ACER3: variants seen among roughly 807,000 people sequenced by gnomAD.
ACER3 encodes alkaline ceramidase 3, also known as alkCDase 3.
ACER3 carries 16 observed loss-of-function variants against 48.9 expected under a neutral mutation model. The observed-to-expected ratio is 0.33, with a 90% CI of 0.22 to 0.50. ACER3 has a LOEUF of 0.50. ACER3 is among the 20% of genes least tolerant of loss of function. The pLI, the probability that ACER3 is intolerant of heterozygous loss-of-function variation, is 0.98. For missense variants in ACER3, 227 were observed against 326.0 expected, an observed-to-expected ratio of 0.70 and a Z score of 2.34; for synonymous variants, 109 against 107.8, an observed-to-expected ratio of 1.01 and a Z score of -0.07.
chr11:76,988,332 T>C (rs1948727676), intron 5 of ACER3, among the ~76,000 whole-genome samples: 1 of 152,214 alleles, frequency 6.6e-6, no homozygotes, highest in Non-Finnish European at 1.5e-5. Flanking sequence ...TATTAGTCCC[T>C]TCTCATGCTG....
intron 7 of ACER3, among the ~76,000 whole-genome samples, chr11:77,000,433 T>C (rs2135265902): frequency 6.6e-6 from 1 of 152,332 alleles, no homozygotes; most frequent in Non-Finnish European, 1.5e-5. Context: ...TGAGGTCAAA[T>C]TTATCAGTTT....
intron 9 of ACER3, among the ~76,000 whole-genome samples, chr11:77,018,352 G>C (rs1302843933): frequency 2.0e-5 from 3 of 152,092 alleles, no homozygotes; most frequent in African/African-American, 7.2e-5. Flanking sequence ...CCACCAATTG[G>C]CCATTCCCCA....
chr11:76,977,269 A>G (rs1006402756), intron 4 of ACER3, among the ~76,000 whole-genome samples: 2 of 152,226 alleles, frequency 1.3e-5, no homozygotes, highest in African/African-American at 2.4e-5. Flanking sequence ...GAAAATTACA[A>G]TGATCACAAT....
intron 5 of ACER3, 55 bp from the exon 6 acceptor site, chr11:76,990,484 T>C (rs1948776410): frequency 5.5e-6 from 7 of 1,283,032 alleles, no homozygotes; most frequent in Non-Finnish European, 6.8e-6. Flanking sequence ...GGAGTCGGTT[T>C]TTCCCCCCTT....
intron 2 of ACER3, among the ~76,000 whole-genome samples, chr11:76,953,503 C>G (rs11237030): frequency 0.4 from 60,629 of 151,816 alleles, 14,827 homozygotes; most frequent in Non-Finnish European, 0.56. Context: ...GAGGCTGATG[C>G]AGGAGAATCA....
chr11:76,979,323 C>T lies in ACER3; in HGVS notation c.320+2982C>T, dbSNP rs550500436. On this transcript the variant is annotated intron_variant, in intron 4 of 10. Coordinates refer to ENST00000532485, the MANE Select transcript of ACER3 (RefSeq NM_018367.7). ...TTTAGTTAGCTATAACCAACTATAT[C>T]ACTGTTGGCTCTGACCTTTACTAAA... 2.6e-5 allele frequency among the ~76,000 whole-genome samples: 4 copies of T among 152,236 alleles called. No individual in the cohort carries two copies. In the South Asian group the frequency reaches 8.3e-4, roughly 32 times the overall value.
chr11:76,962,978 C>T (rs1948035743), intron 3 of ACER3, among the ~76,000 whole-genome samples: 1 of 151,406 alleles, frequency 6.6e-6, no homozygotes, highest in African/African-American at 2.5e-5. Flanking sequence ...CCTGAAAAAT[C>T]ACAGCTACAG....
chr11:76,976,169 G>A, intron 3 of ACER3, 120 bp from the exon 4 acceptor site: 1 of 753,322 alleles, frequency 1.3e-6, no homozygotes, highest in East Asian at 2.8e-5. Flanking sequence ...TTACAGGTGT[G>A]AGCCTCTGTG....
At position 77,020,492 on chromosome 11, in the gene ACER3, C is replaced by T; in HGVS notation, c.*165C>T. 1.5e-6 allele frequency: 1 copy of T among 683,916 alleles called. No homozygotes were observed. Among genetic ancestry groups the T allele is most frequent in the South Asian group, 1.9e-5 (1 of 52,622 alleles). The allele number at this position is 683,916 out of a possible 1,614,324, so 42.4% of individuals were successfully genotyped here. A position where few individuals can be genotyped will look rare whatever the true frequency, so the allele number is the denominator to read the frequency against. On this transcript the variant is annotated 3_prime_UTR_variant, in exon 11 of 11. Transcript: ENST00000532485. The stretch of plus-strand genomic sequence containing the variant: ...CCACACAGAGAATAAGGAGTAGGGC[C>T]TGCTGGGTGTTTAGCTCATGGCTTT...
chr11:76,898,938 G>T (rs1006954094), intron 1 of ACER3, among the ~76,000 whole-genome samples: 5 of 137,142 alleles, frequency 3.6e-5, no homozygotes, highest in Admixed American at 7.3e-5. Flanking sequence ...AAAAATCCTC[G>T]TTGGTGATCT....
chr11:77,015,616 G>C (rs1189273986), intron 8 of ACER3, among the ~76,000 whole-genome samples: 1 of 152,086 alleles, frequency 6.6e-6, no homozygotes, highest in Non-Finnish European at 1.5e-5. Context: ...CTGTCTTTCT[G>C]GCCCTCTTTT....
At chr11:76,979,709 A>T (rs1948537622) in intron 4 of ACER3, among the ~76,000 whole-genome samples, 1 of 152,134 alleles carries the variant, frequency 6.6e-6, no homozygotes, top group Non-Finnish European at 1.5e-5. Flanking sequence ...AAAGGGCCAG[A>T]TGATAAATAT....
intron 4 of ACER3, among the ~76,000 whole-genome samples, chr11:76,981,189 A>G (rs1193356149): frequency 6.6e-6 from 1 of 152,242 alleles, no homozygotes; most frequent in Admixed American, 6.5e-5. Context: ...AAAAGAATAT[A>G]TAAAAAGAGC....
chr11:76,953,205 G>T (rs1435439836), intron 2 of ACER3, among the ~76,000 whole-genome samples: 1 of 152,162 alleles, frequency 6.6e-6, no homozygotes, highest in South Asian at 2.1e-4. Flanking sequence ...TGTATGCCTT[G>T]CAAGGAGTTT....
intron 6 of ACER3, among the ~76,000 whole-genome samples, chr11:76,996,398 CATTATTATTATTATTATT>C (rs113842907): frequency 1.4e-5 from 2 of 146,580 alleles, no homozygotes; most frequent in Non-Finnish European, 3.0e-5. Flanking sequence ...ATTGGCTTTC[CATTATTATTATTATTATT>C]ATTATTATTA....
Position 76,861,003 on chromosome 11 carries a change from C to T in ACER3, c.27C>T (p.Gly9=), listed in dbSNP as rs749764911. The part of the protein sequence containing the change: MAPAADRE[G]YWGPTTSTLD... ...TGGCTCCGGCCGCGGACCGAGAGGG[C>T]TACTGGGGCCCCACGACCTCCACGC... The change falls in exon 1 of 11, where the codon GGC becomes GGT. Residue 9 remains glycine, a synonymous_variant. Coordinates refer to ENST00000532485, the MANE Select transcript of ACER3 (RefSeq NM_018367.7). The T allele has an allele frequency of 1.3e-6, 2 of 1,545,684 alleles. No homozygotes were observed. The highest frequency in any genetic ancestry group is 1.2e-5 in the South Asian group (1 of 83,792).
intron 7 of ACER3, among the ~76,000 whole-genome samples, chr11:77,013,656 G>A (rs1555022663): frequency 6.6e-6 from 1 of 152,152 alleles, no homozygotes; most frequent in East Asian, 1.9e-4. Flanking sequence ...AGTCACTTAG[G>A]AAAACAGTGT....
At chr11:76,945,077 G>C (rs1947439536) in intron 2 of ACER3, among the ~76,000 whole-genome samples, 1 of 150,192 alleles carries the variant, frequency 6.7e-6, no homozygotes. Context: ...TTTTGTTTAA[G>C]ATATTTATCT....
chr11:76,967,948 C>T (rs1340180025), intron 3 of ACER3, among the ~76,000 whole-genome samples: 1 of 152,048 alleles, frequency 6.6e-6, no homozygotes, highest in Non-Finnish European at 1.5e-5. Flanking sequence ...CCAGGGCAAT[C>T]AGGCAGGAGA....
Sources: gnomAD v4.1 joint callset for allele counts (sites outside exome capture counted in the v4.1 genomes callset) on GRCh38, gnomAD v4.1.1 for gene constraint, MANE v1.5 for transcripts, NCBI Gene and HGNC (gene_info 2026-07-23, HGNC 2026-07-21) for gene names.